CDH13: variants seen among roughly 807,000 people sequenced by gnomAD.
CDH13 encodes the protein cadherin 13.
In CDH13, 24 loss-of-function variants were observed where a neutral mutation model predicts 63.8. The observed-to-expected ratio is 0.38, with a 90% confidence interval of 0.27 to 0.53. CDH13 has a LOEUF of 0.53. Ranked by LOEUF, CDH13 falls within the 20% of genes least tolerant of loss-of-function variation. The pLI is 0.85. For missense variants in CDH13, 1,049 were observed against 903.1 expected, an observed-to-expected ratio of 1.16 and a Z score of -2.07; for synonymous variants, 503 against 355.3, an observed-to-expected ratio of 1.42 and a Z score of -4.67.
chr16:83,154,216 A>C (rs1483491839), intron 4 of CDH13, among the ~76,000 whole-genome samples: 2 of 152,100 alleles, frequency 1.3e-5, no homozygotes, highest in Non-Finnish European at 2.9e-5. Flanking sequence ...CTTTAGCCTG[A>C]AACAGAGTTG....
At chr16:83,711,235 G>A (rs1907998043) in intron 10 of CDH13, among the ~76,000 whole-genome samples, 1 of 152,316 alleles carries the variant, frequency 6.6e-6, no homozygotes, top group African/African-American at 2.4e-5. Flanking sequence ...CTTTAGCAAG[G>A]ATGCCCCATA....
chr16:83,069,647 T>C (rs2032289271), intron 3 of CDH13, among the ~76,000 whole-genome samples: 1 of 152,166 alleles, frequency 6.6e-6, no homozygotes, highest in Non-Finnish European at 1.5e-5. Context: ...AGAAAGACTA[T>C]CACTGCTTCC....
chr16:83,201,324 T>C (rs919693684), intron 4 of CDH13, among the ~76,000 whole-genome samples: 1 of 152,148 alleles, frequency 6.6e-6, no homozygotes, highest in Non-Finnish European at 1.5e-5. Context: ...TATAAATATG[T>C]CAGGAAGTAT....
At chr16:83,353,986 A>C (rs561869108) in intron 6 of CDH13, among the ~76,000 whole-genome samples, 62 of 152,380 alleles carry the variant, frequency 4.1e-4, no homozygotes, top group Middle Eastern at 3.4e-3. Flanking sequence ...AAAAGTAAAA[A>C]TATTAAAATT....
intron 2 of CDH13, among the ~76,000 whole-genome samples, chr16:82,913,263 A>G (rs182775583): frequency 2.7e-4 from 41 of 152,248 alleles, no homozygotes; most frequent in African/African-American, 9.6e-4. Flanking sequence ...CTGAAGTGAG[A>G]GAGGGAAACG....
chr16:82,987,401 G>C (rs1456820009), intron 2 of CDH13, among the ~76,000 whole-genome samples: 2 of 152,082 alleles, frequency 1.3e-5, no homozygotes, highest in African/African-American at 4.8e-5. Context: ...CTTTGAGATG[G>C]AGTCTTGATC....
At chr16:82,793,858 T>C (rs1476602617) in intron 1 of CDH13, among the ~76,000 whole-genome samples, 1 of 152,102 alleles carries the variant, frequency 6.6e-6, no homozygotes, top group East Asian at 1.9e-4. Context: ...AGTCTCAGAA[T>C]TTTCCCCTTG....
At chr16:82,678,583 G>A (rs1042659283) in intron 1 of CDH13, among the ~76,000 whole-genome samples, 1 of 152,206 alleles carries the variant, frequency 6.6e-6, no homozygotes, top group African/African-American at 2.4e-5. Context: ...AAGCTTGAGT[G>A]ACTGGTAAGG....
At position 82,979,361 on chromosome 16, in the gene CDH13, G is replaced by T. The variant is rs149877298; in HGVS notation, c.158-52649G>T. Among the ~76,000 whole-genome samples the T allele has an allele frequency of 1.1e-3, 175 of 152,246 alleles. 1 individual carries two copies. Among genetic ancestry groups the T allele is most frequent in the African/African-American group, 4.1e-3 (169 of 41,550 alleles). On this transcript the variant is annotated intron_variant, in intron 2 of 13. Transcript: ENST00000567109. ...GAGTACACGGGATTTTGGAGAGTAG[G>T]GGCAGAGTGATATGATTTGGCTGTG...
At chr16:83,385,471 A>G (rs1335260097) in intron 6 of CDH13, among the ~76,000 whole-genome samples, 1 of 152,218 alleles carries the variant, frequency 6.6e-6, no homozygotes, top group African/African-American at 2.4e-5. Flanking sequence ...AAGCTCAGCT[A>G]TGCTGTAGTA....
At chr16:83,026,136 C>G (rs1464189745) in intron 2 of CDH13, among the ~76,000 whole-genome samples, 1 of 152,190 alleles carries the variant, frequency 6.6e-6, no homozygotes, top group East Asian at 1.9e-4. Context: ...GGTGATGTGC[C>G]AGGTCCTGAA....
At chr16:83,553,314 A>G (rs1260439769) in intron 7 of CDH13, among the ~76,000 whole-genome samples, 2 of 152,236 alleles carry the variant, frequency 1.3e-5, no homozygotes, top group Non-Finnish European at 2.9e-5. Context: ...AAAGGAATCT[A>G]GTTTCATTGT....
chr16:83,705,611 G>A (rs898371327), intron 10 of CDH13, among the ~76,000 whole-genome samples: 1 of 152,216 alleles, frequency 6.6e-6, no homozygotes. Context: ...GCCAGAGGGA[G>A]ACTCCGTCTC....
intron 10 of CDH13, among the ~76,000 whole-genome samples, chr16:83,696,058 T>C (rs1905356408): frequency 6.6e-6 from 1 of 151,772 alleles, no homozygotes; most frequent in African/African-American, 2.4e-5. Flanking sequence ...CCCAGCTAAT[T>C]TTTCTATTTG....
chr16:83,345,641 G>C (rs2090823691), intron 6 of CDH13, among the ~76,000 whole-genome samples: 1 of 152,162 alleles, frequency 6.6e-6, no homozygotes, highest in Non-Finnish European at 1.5e-5. Context: ...AGAATTTAGA[G>C]CTTCCTTTTT....
chr16:83,793,956 C>G (rs1395718931), intron 13 of CDH13, among the ~76,000 whole-genome samples: 1 of 152,024 alleles, frequency 6.6e-6, no homozygotes, highest in Non-Finnish European at 1.5e-5. Context: ...AGAAACAGAC[C>G]ATGTGATGAC....
chr16:83,723,489 C>T (rs1909960676), intron 10 of CDH13, among the ~76,000 whole-genome samples: 2 of 152,184 alleles, frequency 1.3e-5, no homozygotes, highest in African/African-American at 4.8e-5. Context: ...CTGGAATGTT[C>T]TCCCTTGCCC....
At chr16:83,744,391 A>C (rs1239121108) in intron 10 of CDH13, among the ~76,000 whole-genome samples, 2 of 152,252 alleles carry the variant, frequency 1.3e-5, no homozygotes, top group African/African-American at 2.4e-5. Flanking sequence ...GACTCTTTAA[A>C]TGAAAGCCTG....
chr16:83,098,137 A>G (rs938498782), intron 3 of CDH13, among the ~76,000 whole-genome samples: 3 of 152,340 alleles, frequency 2.0e-5, no homozygotes, highest in South Asian at 2.1e-4. Context: ...CCAAACAGAA[A>G]AGTGTAGCCT....
Sources: gnomAD v4.1 joint callset for allele counts (sites outside exome capture counted in the v4.1 genomes callset) on GRCh38, gnomAD v4.1.1 for gene constraint, MANE v1.5 for transcripts, NCBI Gene and HGNC (gene_info 2026-07-23, HGNC 2026-07-21) for gene names.